CNIH2: variants seen among roughly 807,000 people sequenced by gnomAD.
CNIH2 encodes the protein protein cornichon homolog 2.
CNIH2 carries 8 observed loss-of-function variants against 22.9 expected under a neutral mutation model. The ratio of observed to expected loss-of-function variants is 0.35; its 90% CI spans 0.20 to 0.63. CNIH2 has a LOEUF of 0.63. Among genes scored for constraint, CNIH2 ranks in the 30% least tolerant of loss-of-function variants. The probability of loss-of-function intolerance (pLI) is 0.72; values close to 1 mark genes in which losing one functional copy is unlikely to be tolerated. For synonymous variants in CNIH2, 74 were observed against 78.2 expected (o/e 0.95, Z 0.28); for missense variants, 105 against 206.2 (o/e 0.51, Z 3.01).
chr11:66,279,595 A>G (rs1040238215), intron 1 of CNIH2, among the ~76,000 whole-genome samples: 1 of 150,990 alleles, frequency 6.6e-6, no homozygotes, highest in African/African-American at 2.4e-5. Flanking sequence ...CCCTCCCTCA[A>G]TCCCATTTCC....
intron 5 of CNIH2, 77 bp from the exon 6 acceptor site, chr11:66,283,493 G>C: frequency 6.2e-7 from 1 of 1,608,252 alleles, no homozygotes; most frequent in Admixed American, 1.7e-5. Flanking sequence ...ACTGAGGGCA[G>C]CCCAGGGTGT....
At chr11:66,281,027 G>T (rs766584699) in intron 1 of CNIH2, among the ~76,000 whole-genome samples, 3 of 152,164 alleles carry the variant, frequency 2.0e-5, no homozygotes, top group Non-Finnish European at 4.4e-5. Flanking sequence ...ACTGCCGTCT[G>T]CCAGACACCC....
rs1047848696 is a variant in CNIH2 at position 66,284,161 on chromosome 11, C to G, written c.*564C>G. ...TGTCGCCTGGAGGAGTCCGGCACCC[C>G]CTCCCCGGCCATTTGTGACAAAATA... On this transcript the variant is annotated 3_prime_UTR_variant, in exon 6 of 6. Coordinates refer to ENST00000311445, the MANE Select transcript of CNIH2 (RefSeq NM_182553.3). 2 of 180,082 alleles carry G rather than the reference C, an allele frequency of 1.1e-5. No individual in the cohort carries two copies. Among genetic ancestry groups the G allele is most frequent in the African/African-American group, 4.8e-5 (2 of 41,950 alleles). The allele number at this position is 180,082 out of a possible 1,614,324, so 11.2% of individuals were successfully genotyped here.
At chr11:66,281,483 GAGACATGGACCAATCCTA>G (rs1350063893) in intron 1 of CNIH2, 2 of 456,120 alleles carry the variant, frequency 4.4e-6, no homozygotes, top group Admixed American at 4.7e-5. Flanking sequence ...CACCAATCCT[GAGACATGGACCAATCCTA>G]AGACATGGAC....
At chr11:66,282,704 C>T (rs754745374) in intron 2 of CNIH2, 29 bp from the exon 3 acceptor site, 3 of 1,613,412 alleles carry the variant, frequency 1.9e-6, no homozygotes, top group Non-Finnish European at 2.5e-6. Flanking sequence ...CTCCGCCACC[C>T]CATCGCGGCC....
rs2134881006 is a variant in CNIH2 at position 66,282,657 on chromosome 11, A to C, written c.151-76A>C. The C allele has an allele frequency of 3.2e-6, 5 of 1,542,212 alleles. No individual in the cohort carries two copies. The East Asian group carries it at 1.1e-4, about 35-fold the overall frequency. The stretch of plus-strand genomic sequence containing the variant: ...ATCGCTCTGGCGCCCCCTGGCGGCC[A>C]CATGTGGAGCGGTGGGAGCTGCTCC... On this transcript the variant is annotated intron_variant, in intron 2 of 5. Transcript: ENST00000311445.
At chr11:66,280,591 T>C (rs549264050) in intron 1 of CNIH2, among the ~76,000 whole-genome samples, 7 of 152,004 alleles carry the variant, frequency 4.6e-5, no homozygotes, top group African/African-American at 1.2e-4. Context: ...CCATGGGGGA[T>C]TGTTTGTTCC....
In CNIH2 at chr11:66,283,771, G is replaced by A; in HGVS notation, c.*174G>A. On this transcript the variant is annotated 3_prime_UTR_variant, in exon 6 of 6. Coordinates refer to ENST00000311445, the MANE Select transcript of CNIH2 (RefSeq NM_182553.3). ...GAACCCCCCCCACCCCGCCTTCAGAGCCCTCCCCCTTGGACTAGAGCGGCT... is the reference window on the plus strand; with the variant it reads ...GAACCCCCCCCACCCCGCCTTCAGAACCCTCCCCCTTGGACTAGAGCGGCT... 3.0e-6 allele frequency: 2 copies of A among 657,348 alleles called. No individual in the cohort carries two copies. The highest frequency in any genetic ancestry group is 2.9e-5 in the Admixed American group (1 of 34,718). The allele number at this position is 657,348 out of a possible 1,614,324, so 40.7% of individuals were successfully genotyped here. A position where few individuals can be genotyped will look rare whatever the true frequency, so the allele number is the denominator to read the frequency against.
intron 1 of CNIH2, among the ~76,000 whole-genome samples, chr11:66,280,567 C>T (rs1295445518): frequency 2.6e-5 from 4 of 152,194 alleles, no homozygotes; most frequent in Non-Finnish European, 5.9e-5. Context: ...GTGAGTGACG[C>T]GTGTCAGCTG....
Position 66,283,604 on chromosome 11 carries a change from A to C in CNIH2, c.*7A>C. ...TACGTTGGTGAGTTTCTAAGGGGGAAGCCGGCCAGGGAGCGAGCCCAGAAC... is the reference window on the plus strand; with the variant it reads ...TACGTTGGTGAGTTTCTAAGGGGGACGCCGGCCAGGGAGCGAGCCCAGAAC... On this transcript the variant is annotated 3_prime_UTR_variant, in exon 6 of 6. Transcript: ENST00000311445. The C allele has an allele frequency of 6.4e-7, 1 of 1,570,668 alleles. No individual in the cohort carries two copies. Among genetic ancestry groups the C allele is most frequent in the Non-Finnish European group, 8.6e-7 (1 of 1,157,138 alleles).
intron 2 of CNIH2, 102 bp downstream of exon 2, chr11:66,282,429 G>GGGGGGGGGC: frequency 2.1e-5 from 10 of 479,398 alleles, no homozygotes; most frequent in East Asian, 5.8e-5. Context: ...GGGGTGGGGG[G>GGGGGGGGGC]CCTACGGCCA....
Position 66,283,279 on chromosome 11 carries a change from G to A in CNIH2, c.343G>A (p.Val115Ile), listed in dbSNP as rs1264888397. The A allele has an allele frequency of 6.2e-7, 1 of 1,614,104 alleles. No homozygotes were observed. Among genetic ancestry groups the A allele is most frequent in the Admixed American group, 1.7e-5 (1 of 60,032 alleles). Residue 115 changes from valine (V) to isoleucine (I), a missense_variant, in exon 5 of 6, where the codon GTC becomes ATC. Physicochemically the swap from Val to Ile is conservative, Grantham distance 29 (BLOSUM62 3). Transcript: ENST00000311445. ...YFHRPADGSE[V>I]MYDAVSIMNA... ...CCACCGTCCTGCAGATGGCTCTGAG[G>A]TCATGTATGATGCGGTCTCCATCAT...
In CNIH2 at chr11:66,283,315, A is replaced by G; in HGVS notation, c.379A>G (p.Ile127Val). The G allele has an allele frequency of 6.2e-7, 1 of 1,614,154 alleles. No individual in the cohort carries two copies. Among genetic ancestry groups the G allele is most frequent in the Non-Finnish European group, 8.5e-7 (1 of 1,179,996 alleles). The change falls in exon 5 of 6, where the codon ATT becomes GTT. Residue 127 changes from isoleucine to valine, a missense_variant. Ile to Val is a conservative substitution (Grantham distance 29). Coordinates refer to ENST00000311445, the MANE Select transcript of CNIH2 (RefSeq NM_182553.3). ...TGCGGTCTCCATCATGAATGCTGAC[A>G]TTCTCAACTACTGCCAGAAGGAGTC... ...YDAVSIMNAD[I>V]LNYCQKESWC... is the part of the protein sequence containing the mutation.
At chr11:66,281,835 A>C (rs1481825018) in intron 1 of CNIH2, among the ~76,000 whole-genome samples, 1 of 151,654 alleles carries the variant, frequency 6.6e-6, no homozygotes, top group Non-Finnish European at 1.5e-5. Context: ...CCCCCCACAC[A>C]GGGTTAAGCG....
At chr11:66,282,423 T>TGATGGGGGGGGGGGGGGG in intron 2 of CNIH2, 96 bp downstream of exon 2, 1 of 147,072 alleles carries the variant, frequency 6.8e-6, no homozygotes, top group Non-Finnish European at 1.3e-5. Context: ...GGGGGTGGGG[T>TGATGGGGGGGGGGGGGGG]GGGGGGCCTA....
intron 1 of CNIH2, chr11:66,281,471 C>T (rs762306826): frequency 2.2e-6 from 1 of 456,236 alleles, no homozygotes; most frequent in South Asian, 1.5e-5. Flanking sequence ...GATTTCCTGC[C>T]CCACCAATCC....
chr11:66,279,897 C>A (rs1052057766), intron 1 of CNIH2, among the ~76,000 whole-genome samples: 1 of 152,154 alleles, frequency 6.6e-6, no homozygotes, highest in Non-Finnish European at 1.5e-5. Flanking sequence ...GTCTTTCCCC[C>A]TCTCCCCCGC....
rs1020295885 is a variant in CNIH2 at position 66,283,730 on chromosome 11, A to T, written c.*133A>T. Reference sequence around the variant, plus strand: ...GGTGCCCCCAGCCTCTCCAACCCCCAAACTGCTGCTGCGGGGAACCCCCCC... The same window carrying T: ...GGTGCCCCCAGCCTCTCCAACCCCCTAACTGCTGCTGCGGGGAACCCCCCC... On this transcript the variant is annotated 3_prime_UTR_variant, in exon 6 of 6. Transcript: ENST00000311445. The T allele has an allele frequency of 2.0e-6, 2 of 988,098 alleles. No individual in the cohort carries two copies. The highest frequency in any genetic ancestry group is 1.6e-5 in the African/African-American group (1 of 60,914). 61.2% of individuals were successfully genotyped at this position (988,098 alleles called of 1,614,324 possible).
At chr11:66,282,663 G>A in intron 2 of CNIH2, 70 bp from the exon 3 acceptor site, 4 of 1,564,952 alleles carry the variant, frequency 2.6e-6, no homozygotes, top group East Asian at 4.5e-5. Context: ...GGCCACATGT[G>A]GAGCGGTGGG....
Sources: gnomAD v4.1 joint callset for allele counts (sites outside exome capture counted in the v4.1 genomes callset) on GRCh38, gnomAD v4.1.1 for gene constraint, MANE v1.5 for transcripts, NCBI Gene and HGNC (gene_info 2026-07-23, HGNC 2026-07-21) for gene names.